BCL2L1: variants seen among roughly 807,000 people sequenced by gnomAD.
BCL2L1 encodes BCL2 like 1, also known as bcl-2-like protein 1.
BCL2L1 carries 1 observed loss-of-function variant against 18.7 expected under a neutral mutation model. That is an observed-to-expected ratio of 0.05 (90% CI 0.02 to 0.25). BCL2L1 has a LOEUF of 0.25. BCL2L1 is among the 10% of genes least tolerant of loss of function. The pLI is 1.00. For synonymous variants in BCL2L1, 103 were observed against 122.7 expected (o/e 0.84, Z 1.06); for missense variants, 207 against 304.9 (o/e 0.68, Z 2.39).
chr20:31,720,971 T>C, intron 2 of BCL2L1: 1 of 985,314 alleles, frequency 1.0e-6, no homozygotes, highest in Non-Finnish European at 1.2e-6. Context: ...CAGCAAGTGC[T>C]CCACAAACAA....
intron 2 of BCL2L1, among the ~76,000 whole-genome samples, chr20:31,696,421 A>C (rs2122663327): frequency 6.6e-6 from 1 of 152,310 alleles, no homozygotes; most frequent in Middle Eastern, 3.4e-3. Context: ...GCCTGCACCC[A>C]TGCAAACACA....
At chr20:31,677,390 G>A (rs927043113) in intron 2 of BCL2L1, among the ~76,000 whole-genome samples, 2 of 151,950 alleles carry the variant, frequency 1.3e-5, no homozygotes, top group African/African-American at 2.4e-5. Context: ...CACCATGTTG[G>A]TCAGGCTGGT....
chr20:31,696,675 C>T (rs550536869), intron 2 of BCL2L1, among the ~76,000 whole-genome samples: 9 of 152,190 alleles, frequency 5.9e-5, no homozygotes, highest in Admixed American at 2.0e-4. Flanking sequence ...CACTTTGGGA[C>T]GTCAAGGTGG....
At chr20:31,669,075 T>C (rs1010306462) in intron 2 of BCL2L1, among the ~76,000 whole-genome samples, 1 of 152,120 alleles carries the variant, frequency 6.6e-6, no homozygotes, top group African/African-American at 2.4e-5. Flanking sequence ...TAAATTTTTG[T>C]GACAGTGTCT....
At chr20:31,678,901 C>T (rs1208884110) in intron 2 of BCL2L1, among the ~76,000 whole-genome samples, 3 of 152,200 alleles carry the variant, frequency 2.0e-5, no homozygotes, top group Admixed American at 6.5e-5. Context: ...ACACCCTTCT[C>T]TCCCCACTGT....
In BCL2L1 at chr20:31,665,836, C is replaced by G; in HGVS notation, c.*113G>C. On this transcript the variant is annotated 3_prime_UTR_variant, in exon 3 of 3. Coordinates refer to ENST00000307677, the MANE Select transcript of BCL2L1 (RefSeq NM_138578.3). ...GATCTGGGCCCAACCCTGTGATGGG[C>G]AGGTGGGCATGGGCTGCATGTAGTG... 4 of 1,394,300 alleles carry G rather than the reference C, an allele frequency of 2.9e-6. No homozygotes were observed. Among genetic ancestry groups the G allele is most frequent in the Non-Finnish European group, 3.9e-6 (4 of 1,017,596 alleles). The allele number at this position is 1,394,300 out of a possible 1,614,324, so 86.4% of individuals were successfully genotyped here.
chr20:31,696,243 C>T (rs2061167403), intron 2 of BCL2L1, among the ~76,000 whole-genome samples: 1 of 152,196 alleles, frequency 6.6e-6, no homozygotes, highest in South Asian at 2.1e-4. Context: ...GAATGAATGA[C>T]CAATATCCCT....
chr20:31,671,791 T>C, intron 2 of BCL2L1, among the ~76,000 whole-genome samples: 1 of 151,572 alleles, frequency 6.6e-6, no homozygotes, highest in Middle Eastern at 3.5e-3. Flanking sequence ...GTATATAGTA[T>C]ATATAGTATA....
chr20:31,696,458 G>A (rs1202746376), intron 2 of BCL2L1, among the ~76,000 whole-genome samples: 1 of 152,198 alleles, frequency 6.6e-6, no homozygotes, highest in African/African-American at 2.4e-5. Context: ...GAAAAGGGCT[G>A]GTTTTGAGAA....
intron 2 of BCL2L1, among the ~76,000 whole-genome samples, chr20:31,706,722 C>CTGAA (rs920698859): frequency 7.9e-5 from 12 of 152,312 alleles, no homozygotes; most frequent in East Asian, 7.7e-4. Context: ...TGCTTGTTGA[C>CTGAA]TGAATGAATG....
At chr20:31,678,611 T>C (rs1258012318) in intron 2 of BCL2L1, among the ~76,000 whole-genome samples, 1 of 152,190 alleles carries the variant, frequency 6.6e-6, no homozygotes, top group Non-Finnish European at 1.5e-5. Flanking sequence ...AGTCTGATCC[T>C]TCTCCACCTC....
At chr20:31,679,140 C>T (rs2060813087) in intron 2 of BCL2L1, among the ~76,000 whole-genome samples, 1 of 152,114 alleles carries the variant, frequency 6.6e-6, no homozygotes, top group Non-Finnish European at 1.5e-5. Flanking sequence ...AGTCCATTAC[C>T]CCTTTAAGGT....
intron 2 of BCL2L1, among the ~76,000 whole-genome samples, chr20:31,687,034 C>T (rs1305985159): frequency 6.6e-6 from 1 of 152,170 alleles, no homozygotes; most frequent in Non-Finnish European, 1.5e-5. Context: ...AAATACTACA[C>T]TGGCCGAGTC....
intron 2 of BCL2L1, among the ~76,000 whole-genome samples, chr20:31,689,819 C>T (rs1031006776): frequency 6.6e-6 from 1 of 152,204 alleles, no homozygotes; most frequent in African/African-American, 2.4e-5. Context: ...AGTTCAAGAC[C>T]ACCCTGACCA....
intron 2 of BCL2L1, among the ~76,000 whole-genome samples, chr20:31,692,273 A>G (rs1413903051): frequency 6.6e-6 from 1 of 152,270 alleles, no homozygotes; most frequent in Admixed American, 6.5e-5. Flanking sequence ...AACAGTTTTC[A>G]TAACAGCATT....
intron 2 of BCL2L1, among the ~76,000 whole-genome samples, chr20:31,703,528 G>A (rs1216222780): frequency 6.8e-6 from 1 of 146,960 alleles, no homozygotes; most frequent in African/African-American, 2.5e-5. Context: ...GTCTCACTCT[G>A]TTGCCCAGGC....
intron 2 of BCL2L1, among the ~76,000 whole-genome samples, chr20:31,705,580 G>A (rs2061358985): frequency 6.6e-6 from 1 of 152,148 alleles, no homozygotes; most frequent in Non-Finnish European, 1.5e-5. Flanking sequence ...AGGGAGCTAT[G>A]GTTATTATGT....
At chr20:31,682,388 C>T (rs972584556) in intron 2 of BCL2L1, among the ~76,000 whole-genome samples, 4 of 152,222 alleles carry the variant, frequency 2.6e-5, no homozygotes, top group Non-Finnish European at 5.9e-5. Flanking sequence ...TTGGTCCACT[C>T]TATCCACAAT....
chr20:31,684,814 C>T (rs535856156), intron 2 of BCL2L1, among the ~76,000 whole-genome samples: 2 of 152,288 alleles, frequency 1.3e-5, no homozygotes, highest in Non-Finnish European at 2.9e-5. Context: ...AACTGCCAAG[C>T]CAGCAATGCC....
Sources: allele counts gnomAD v4.1 joint callset (sites outside exome capture counted in the v4.1 genomes callset), GRCh38; gene constraint gnomAD v4.1.1; transcripts MANE v1.5; gene names NCBI Gene and HGNC (gene_info 2026-07-23, HGNC 2026-07-21).